The following SOX5 variants were observed in gnomAD, a reference collection of about 807,000 sequenced individuals.
SOX5 encodes the protein SRY-box transcription factor 5.
A neutral mutation model predicts 92.0 loss-of-function variants in SOX5; 9 were observed. The ratio of observed to expected loss-of-function variants is 0.10; its 90% CI spans 0.06 to 0.17. SOX5 has a LOEUF of 0.17. SOX5 is among the 10% of genes least tolerant of loss of function. The pLI, the probability that SOX5 is intolerant of heterozygous loss-of-function variation, is 1.00. For synonymous variants in SOX5, 344 were observed against 336.3 expected, an observed-to-expected ratio of 1.02 and a Z score of -0.25; for missense variants, 642 against 944.5, an observed-to-expected ratio of 0.68 and a Z score of 4.20.
At chr12:24,247,450 G>C (rs1565744440) in intron 3 of SOX5, among the ~76,000 whole-genome samples, 1 of 151,986 alleles carries the variant, frequency 6.6e-6, no homozygotes, top group Non-Finnish European at 1.5e-5. Flanking sequence ...AGAGAGAGTT[G>C]AGTTTATGCT....
rs184667789 is a variant in SOX5, at chr12:23,546,623, T to C, written c.1489-199A>G. ...ATTTTTGAAGGAACTCTGATTCTCATAGACCCCTATAAAGTCTTGGCGTTT... is the reference window on the plus strand; with the variant it reads ...ATTTTTGAAGGAACTCTGATTCTCACAGACCCCTATAAAGTCTTGGCGTTT... On this transcript the variant is annotated intron_variant, in intron 11 of 14. Coordinates refer to ENST00000451604, the MANE Select transcript of SOX5 (RefSeq NM_006940.6). 4.5e-3 allele frequency among the ~76,000 whole-genome samples: 691 copies of C among 152,272 alleles called. 4 individuals are homozygous for C. The highest frequency in any genetic ancestry group is 0.01 in the Middle Eastern group (3 of 294).
chr12:23,744,179 C>T (rs1253654075), intron 4 of SOX5, among the ~76,000 whole-genome samples: 1 of 152,152 alleles, frequency 6.6e-6, no homozygotes, highest in African/African-American at 2.4e-5. Flanking sequence ...CCCATGAATG[C>T]CCATATTCTC....
In SOX5 at chr12:24,324,519, A is replaced by G. The variant is rs148557541; in HGVS notation, c.-174+44044T>C. ...TTTTTAAACAAAGAAAAGTTTTTGCAATACTTTATCACAAAAGTTAACCGT... is the reference window on the plus strand; with the variant it reads ...TTTTTAAACAAAGAAAAGTTTTTGCGATACTTTATCACAAAAGTTAACCGT... On this transcript the variant is annotated intron_variant, in intron 2 of 4. Coordinates refer to the SOX5 transcript ENST00000446891. 2.5e-3 allele frequency among the ~76,000 whole-genome samples: 383 copies of G among 152,196 alleles called. 5 individuals are homozygous for G. Among genetic ancestry groups the G allele is most frequent in the Admixed American group, 5.1e-3 (78 of 15,284 alleles).
intron 6 of SOX5, among the ~76,000 whole-genome samples, chr12:23,723,668 T>C (rs994591667): frequency 2.0e-5 from 3 of 149,702 alleles, no homozygotes; most frequent in Admixed American, 6.7e-5. Flanking sequence ...AAAAGAAAAG[T>C]AAATGATCAA....
chr12:23,826,342 A>G (rs1313890288), intron 3 of SOX5, among the ~76,000 whole-genome samples: 1 of 152,072 alleles, frequency 6.6e-6, no homozygotes, highest in Non-Finnish European at 1.5e-5. Context: ...TTTCATTTCT[A>G]ATGATTCCCA....
chr12:24,508,823 A>G (rs944271042), intron 1 of SOX5, among the ~76,000 whole-genome samples: 1 of 152,190 alleles, frequency 6.6e-6, no homozygotes, highest in African/African-American at 2.4e-5. Context: ...GTGAAAACAT[A>G]AAGAGGTCCC....
At chr12:23,656,331 A>AT (rs1463470672) in intron 7 of SOX5, among the ~76,000 whole-genome samples, 1 of 152,146 alleles carries the variant, frequency 6.6e-6, no homozygotes, top group African/African-American at 2.4e-5. Flanking sequence ...GAGCATTAGA[A>AT]TTTAGATGCA....
intron 1 of SOX5, among the ~76,000 whole-genome samples, chr12:24,439,703 G>C (rs1940140481): frequency 6.6e-6 from 1 of 152,090 alleles, no homozygotes; most frequent in Admixed American, 6.6e-5. Flanking sequence ...GGCCATCCTG[G>C]CTAACACAGT....
intron 3 of SOX5, among the ~76,000 whole-genome samples, chr12:23,841,074 A>G (rs1305772806): frequency 6.6e-6 from 1 of 152,172 alleles, no homozygotes; most frequent in Non-Finnish European, 1.5e-5. Context: ...AAATATTTGT[A>G]AAACACATTC....
chr12:24,359,559 TG>T (rs1160263365), intron 2 of SOX5, among the ~76,000 whole-genome samples: 5 of 152,162 alleles, frequency 3.3e-5, no homozygotes, highest in Non-Finnish European at 7.3e-5. Context: ...GCCATACTTT[TG>T]GGAAGAGATC....
intron 4 of SOX5, among the ~76,000 whole-genome samples, chr12:24,189,189 G>C (rs1025835398): frequency 1.3e-5 from 2 of 152,164 alleles, no homozygotes; most frequent in Non-Finnish European, 2.9e-5. Flanking sequence ...TTCAAGTACA[G>C]GCACTCAGCA....
chr12:24,044,337 C>T (rs1349435693), intron 4 of SOX5, among the ~76,000 whole-genome samples: 1 of 152,106 alleles, frequency 6.6e-6, no homozygotes, highest in Non-Finnish European at 1.5e-5. Context: ...ACATTATGTG[C>T]CACAATAGAA....
intron 6 of SOX5, among the ~76,000 whole-genome samples, chr12:23,677,451 C>T (rs1373635562): frequency 6.6e-6 from 1 of 152,108 alleles, no homozygotes; most frequent in Non-Finnish European, 1.5e-5. Flanking sequence ...CACATTTCAA[C>T]TTTTTGCTAC....
intron 4 of SOX5, among the ~76,000 whole-genome samples, chr12:24,106,461 T>C (rs1946681357): frequency 6.6e-6 from 1 of 152,134 alleles, no homozygotes; most frequent in Admixed American, 6.5e-5. Context: ...ATGTATCTTC[T>C]AAGGATTATA....
intron 4 of SOX5, among the ~76,000 whole-genome samples, chr12:24,174,511 TGG>T (rs35514099): frequency 3.7e-4 from 56 of 151,766 alleles, no homozygotes; most frequent in African/African-American, 9.7e-4. Flanking sequence ...ACAGAATGAG[TGG>T]GGGGGGGAAC....
chr12:23,754,519 C>T (rs10505906), intron 4 of SOX5, among the ~76,000 whole-genome samples: 4,598 of 151,818 alleles, frequency 0.03, 242 homozygotes, highest in African/African-American at 0.11. Context: ...TGTTGATTAG[C>T]ACCAATTCAT....
In SOX5 at chr12:24,076,567, T is replaced by A. The variant is rs140161014; in HGVS notation, c.-2+136776A>T. ...TTAAAGAAAACTCTCCTATGTCACT[T>A]GCCCCTTGCAAACATGCAGAATCTT... is the stretch of plus-strand genomic sequence containing the variant. On this transcript the variant is annotated intron_variant, in intron 4 of 4. Coordinates refer to the SOX5 transcript ENST00000446891. Among the ~76,000 whole-genome samples the A allele has an allele frequency of 3.6e-3, 549 of 152,298 alleles. 6 individuals carry two copies. The highest frequency in any genetic ancestry group is 0.013 in the African/African-American group (533 of 41,554).
chr12:23,706,855 G>A (rs969836933), intron 6 of SOX5, among the ~76,000 whole-genome samples: 2 of 151,648 alleles, frequency 1.3e-5, no homozygotes, highest in African/African-American at 4.8e-5. Context: ...CTAATCCAAC[G>A]TTATTATAAA....
At chr12:24,361,485 A>C (rs1955545243) in intron 2 of SOX5, among the ~76,000 whole-genome samples, 1 of 152,198 alleles carries the variant, frequency 6.6e-6, no homozygotes. Flanking sequence ...GGCTTAAATT[A>C]TATAATACAA....
Sources: allele counts gnomAD v4.1 joint callset (sites outside exome capture counted in the v4.1 genomes callset), GRCh38; gene constraint gnomAD v4.1.1; transcripts MANE v1.5; gene names NCBI Gene and HGNC (gene_info 2026-07-23, HGNC 2026-07-21).